PYHIN1: variants seen among roughly 807,000 people sequenced by gnomAD.
The protein encoded by PYHIN1 is pyrin and HIN domain-containing protein 1.
In PYHIN1, 32 loss-of-function variants were observed where a neutral mutation model predicts 43.7. That is an observed-to-expected ratio of 0.73 (90% confidence interval 0.55 to 0.98). The LOEUF is 0.98. PYHIN1 is among the 50% of genes least tolerant of loss of function. The pLI is 0.00. For missense variants in PYHIN1, 588 were observed against 589.5 expected (o/e 1.00, Z 0.03); for synonymous variants, 205 against 203.1 (o/e 1.01, Z -0.08).
chr1:158,955,505 G>C (rs1423993624), intron 7 of PYHIN1, among the ~76,000 whole-genome samples: 1 of 152,002 alleles, frequency 6.6e-6, no homozygotes, highest in Non-Finnish European at 1.5e-5. Context: ...AATGACTACT[G>C]GATACGTAGT....
intron 1 of PYHIN1, among the ~76,000 whole-genome samples, chr1:158,932,432 A>C (rs1462391360): frequency 6.6e-6 from 1 of 152,188 alleles, no homozygotes; most frequent in Non-Finnish European, 1.5e-5. Context: ...ACAAGCCTGC[A>C]CATGTACCCT....
intron 6 of PYHIN1, 38 bp downstream of exon 6, chr1:158,944,016 T>C (rs773891247): frequency 2.0e-6 from 3 of 1,516,956 alleles, no homozygotes; most frequent in East Asian, 2.3e-5. Context: ...TTTCCAAAGA[T>C]GAAAATCATT....
rs1000419111 is a variant in PYHIN1 at position 158,933,244 on chromosome 1, A to G, written c.-21+1468A>G. 6.6e-6 allele frequency among the ~76,000 whole-genome samples: 1 copy of G among 151,580 alleles called. No individual in the cohort carries two copies. The highest frequency in any genetic ancestry group is 2.4e-5 in the African/African-American group (1 of 41,340). ...TAAACATACACATATAAATATATATATTTGTGGCACCGTGTACATATGTGT... is the reference window on the plus strand; with the variant it reads ...TAAACATACACATATAAATATATATGTTTGTGGCACCGTGTACATATGTGT... On this transcript the variant is annotated intron_variant, in intron 1 of 8. Transcript: ENST00000368140. The surrounding 1 kb of genome is among the most constrained non-coding windows in gnomAD (Gnocchi z 6.3).
the PYHIN1 span, among the ~76,000 whole-genome samples, chr1:158,989,694 C>T: frequency 5.3e-5 from 8 of 152,266 alleles, no homozygotes; most frequent in South Asian, 1.7e-3. Context: ...AATAAGTCAA[C>T]CCTGCTGACC....
In PYHIN1 at chr1:158,932,748, T is replaced by C. The variant is rs532085995; in HGVS notation, c.-21+972T>C. On this transcript the variant is annotated intron_variant, in intron 1 of 8. Transcript: ENST00000368140. ...ATGTTTAACTTTTACATTAGCATCA[T>C]TCTATACCAGATGTGAAAGGCAGTT... Among the ~76,000 whole-genome samples, 6 of 152,324 alleles carry C rather than the reference T, an allele frequency of 3.9e-5. No individual in the cohort carries two copies. The East Asian group carries it at 1.2e-3, about 29-fold the overall frequency.
intron 7 of PYHIN1, among the ~76,000 whole-genome samples, chr1:158,949,112 T>C (rs548391472): frequency 2.3e-4 from 35 of 152,244 alleles, no homozygotes; most frequent in African/African-American, 8.4e-4. Context: ...CTAGGCACCA[T>C]AAAGTGTCAT....
chr1:158,938,498 A>G lies in PYHIN1; in HGVS notation c.367A>G (p.Asn123Asp). Residue 123 changes from asparagine to aspartate, a missense_variant, in exon 3 of 9, where the codon AAC (asparagine) becomes GAC (aspartate). Physicochemically the swap from Asn to Asp is conservative, Grantham distance 23. Transcript: ENST00000368140. ...YPATPACTPS[N>D]RLTAKGAEET... ...TGCTACACCTGCATGCACCCCAAGC[A>G]ACCGTCTCACAGCTAAAGGAGCAGA... 5 of 1,614,248 alleles carry G rather than the reference A, an allele frequency of 3.1e-6. No homozygotes were observed. The highest frequency in any genetic ancestry group is 4.2e-6 in the Non-Finnish European group (5 of 1,180,046).
chr1:158,943,605 TAAAC>T (rs1432607740), intron 5 of PYHIN1, among the ~76,000 whole-genome samples, 181 bp from the exon 6 acceptor site: 2 of 152,096 alleles, frequency 1.3e-5, no homozygotes, highest in Non-Finnish European at 2.9e-5. Flanking sequence ...ATTAAGGACT[TAAAC>T]AAAAAGGATA....
intron 7 of PYHIN1, among the ~76,000 whole-genome samples, chr1:158,952,070 G>C (rs1649565365): frequency 6.6e-6 from 1 of 151,622 alleles, no homozygotes; most frequent in Non-Finnish European, 1.5e-5. Flanking sequence ...GGTGGTGGCT[G>C]CGTTGCGCTT....
Position 158,943,950 on chromosome 1 carries a change from T to A in PYHIN1, c.1163T>A (p.Leu388Gln). The A allele has an allele frequency of 1.2e-6, 2 of 1,607,024 alleles. No individual in the cohort carries two copies. The highest frequency in any genetic ancestry group is 1.1e-5 in the South Asian group (1 of 90,084). ...AGAAAGAGGGAAAATATGTCAAAAC[T>A]GATGTCAGAAATGCATAGTTTCATC... Reference protein sequence around the residue: ...RLRKRENMSKLMSEMHSFIQI... With the variant: ...RLRKRENMSKQMSEMHSFIQI... Residue 388 changes from leucine (L) to glutamine (Q), a missense_variant, in exon 6 of 9, where the codon CTG (leucine) becomes CAG (glutamine). By Grantham distance (113) the Leu-to-Gln change is moderately radical. Coordinates refer to ENST00000368140, the MANE Select transcript of PYHIN1 (RefSeq NM_152501.5).
chr1:158,963,756 A>G (rs565855424), intron 7 of PYHIN1, among the ~76,000 whole-genome samples: 1 of 152,316 alleles, frequency 6.6e-6, no homozygotes, highest in South Asian at 2.1e-4. Flanking sequence ...CTCTAACAAC[A>G]TCCAGGAAAG....
chr1:158,939,267 C>T lies in PYHIN1; in HGVS notation c.579+20C>T, dbSNP rs930105874. The T allele has an allele frequency of 1.3e-6, 2 of 1,585,934 alleles. No individual in the cohort carries two copies. The highest frequency in any genetic ancestry group is 3.6e-5 in the Admixed American group (2 of 56,226). On this transcript the variant is annotated intron_variant, in intron 4 of 8. Transcript: ENST00000368140. ...ACTGAGGTACACTCTTCCTGGTCCC[C>T]TTTTGATTCATTTTCTTCAACCCAA...
At chr1:158,950,646 A>G (rs1649477764) in intron 7 of PYHIN1, among the ~76,000 whole-genome samples, 1 of 152,224 alleles carries the variant, frequency 6.6e-6, no homozygotes, top group Admixed American at 6.5e-5. Flanking sequence ...TCTACAGCTG[A>G]TTGAAATGTG....
At chr1:158,931,918 T>C (rs1648187065) in intron 1 of PYHIN1, 142 bp downstream of exon 1, 1 of 152,186 alleles carries the variant, frequency 6.6e-6, no homozygotes, top group Non-Finnish European at 1.5e-5. Flanking sequence ...TTCAGAAAAG[T>C]GAAAACTGCA....
intron 7 of PYHIN1, among the ~76,000 whole-genome samples, chr1:158,971,136 T>A (rs1650908649): frequency 6.6e-6 from 1 of 151,988 alleles, no homozygotes; most frequent in Non-Finnish European, 1.5e-5. Context: ...CAGGATGAGG[T>A]GCACAAGATG....
At chr1:158,971,825 C>T (rs1055531791) in intron 7 of PYHIN1, among the ~76,000 whole-genome samples, 1 of 151,932 alleles carries the variant, frequency 6.6e-6, no homozygotes, top group African/African-American at 2.4e-5. Flanking sequence ...GAGCCAGGAC[C>T]CAATCACACA....
intron 7 of PYHIN1, among the ~76,000 whole-genome samples, chr1:158,961,234 T>C (rs1185744806): frequency 6.6e-6 from 1 of 152,204 alleles, no homozygotes; most frequent in African/African-American, 2.4e-5. Flanking sequence ...GATTTAAAAA[T>C]ATTCCCCAAG....
chr1:158,970,921 C>T (rs1650898397), intron 7 of PYHIN1, among the ~76,000 whole-genome samples: 1 of 151,950 alleles, frequency 6.6e-6, no homozygotes, highest in South Asian at 2.1e-4. Context: ...TTAGAAATCT[C>T]TCCCAAGCTA....
chr1:158,982,671 G>C, the PYHIN1 span, among the ~76,000 whole-genome samples: 2 of 152,130 alleles, frequency 1.3e-5, no homozygotes, highest in South Asian at 4.1e-4. Flanking sequence ...TTCTAATTCT[G>C]TGAAAAATGA....
Sources: gnomAD v4.1 joint callset for allele counts (sites outside exome capture counted in the v4.1 genomes callset) on GRCh38, gnomAD v4.1.1 for gene constraint, Gnocchi (gnomAD v3.1) non-coding constraint, MANE v1.5 for transcripts, NCBI Gene and HGNC (gene_info 2026-07-23, HGNC 2026-07-21) for gene names.